PCDH9: variants seen among roughly 807,000 people sequenced by gnomAD.
PCDH9 encodes protocadherin-9.
Under a neutral mutation model 70.6 loss-of-function variants are expected in PCDH9, and 24 were observed. The ratio of observed to expected loss-of-function variants is 0.34; its 90% confidence interval spans 0.25 to 0.48. The LOEUF is 0.48. Among genes scored for constraint, PCDH9 ranks in the 20% least tolerant of loss-of-function variants. PCDH9 has a pLI of 0.99. For missense variants in PCDH9, 1,281 were observed against 1,503.6 expected (o/e 0.85, Z 2.45); for synonymous variants, 562 against 558.5 (o/e 1.01, Z -0.09).
At chr13:66,577,021 A>C (rs1196422956) in intron 4 of PCDH9, among the ~76,000 whole-genome samples, 2 of 152,046 alleles carry the variant, frequency 1.3e-5, no homozygotes. Context: ...CTTGAATAAA[A>C]ACAACACAAA....
At chr13:66,651,021 G>A (rs1328079403) in intron 3 of PCDH9, among the ~76,000 whole-genome samples, 3 of 151,662 alleles carry the variant, frequency 2.0e-5, no homozygotes, top group South Asian at 4.1e-4. Flanking sequence ...AAACCTATGC[G>A]ATACAGCAAA....
rs768729240 is a variant in PCDH9 at position 67,226,307 on chromosome 13, C to G, written c.2134G>C (p.Glu712Gln). The G allele has an allele frequency of 6.2e-7, 1 of 1,613,996 alleles. No homozygotes were observed. The highest frequency in any genetic ancestry group is 8.5e-7 in the Non-Finnish European group (1 of 1,179,898). ...AVDVDTGMNA[E>Q]LKYTIVSGNN... is the part of the protein sequence containing the mutation. ...CCACTCACTATAGTATACTTTAGTT[C>G]AGCGTTCATTCCAGTGTCAACATCC... Residue 712 changes from glutamate (E) to glutamine (Q), a missense_variant, in exon 2 of 5, where the codon GAA becomes CAA. This residue lies in a region of PCDH9 where 798 missense variants were observed against 1,003.1 expected (regional missense o/e 0.80). Transcript: ENST00000377865. This position sits in a 1 kb window ranked among gnomAD's most constrained non-coding sequence, Gnocchi z 5.0.
rs1290035276 is a variant in PCDH9, at chr13:66,738,886, C to G, written c.3139-107475G>C. On this transcript the variant is annotated intron_variant, in intron 3 of 4. Transcript: ENST00000377865. ...CTGATTGGTGTACCTGAAAGTGATG[C>G]GGAGAATGGAACCAAGTTGGAAAAC... 2.2e-4 allele frequency among the ~76,000 whole-genome samples: 32 copies of G among 148,414 alleles called. 1 individual carries two copies. The highest frequency in any genetic ancestry group is 5.9e-4 in the African/African-American group (24 of 40,672).
At chr13:66,610,879 C>T (rs908129051) in intron 4 of PCDH9, among the ~76,000 whole-genome samples, 16 of 152,256 alleles carry the variant, frequency 1.1e-4, no homozygotes, top group African/African-American at 3.8e-4. Flanking sequence ...ACCTCTACAT[C>T]TGTTTTTGGT....
intron 3 of PCDH9, among the ~76,000 whole-genome samples, chr13:66,813,246 C>T (rs1225146946): frequency 1.3e-5 from 2 of 152,016 alleles, no homozygotes; most frequent in Non-Finnish European, 2.9e-5. Flanking sequence ...TCTCAGAATT[C>T]CTAAAGTAAT....
chr13:66,914,983 A>G (rs762300670), intron 2 of PCDH9: 2 of 151,666 alleles, frequency 1.3e-5, no homozygotes, highest in African/African-American at 2.4e-5. Context: ...TTGGAGAACA[A>G]CCGTATTTTT....
intron 2 of PCDH9, among the ~76,000 whole-genome samples, chr13:67,154,745 C>T (rs1412420511): frequency 2.1e-5 from 3 of 145,924 alleles, no homozygotes; most frequent in African/African-American, 7.6e-5. Context: ...CTGTCTGTCA[C>T]CTAGGCTAGA....
chr13:66,479,902 C>T (rs928056389), intron 4 of PCDH9, among the ~76,000 whole-genome samples: 1 of 152,186 alleles, frequency 6.6e-6, no homozygotes, highest in Admixed American at 6.5e-5. Flanking sequence ...TAAAAGCTGA[C>T]CACCCCAGCC....
In PCDH9 at chr13:66,304,805, G is replaced by C. The variant is rs749341936; in HGVS notation, c.3564C>G (p.Asn1188Lys). The C allele has an allele frequency of 1.9e-6, 3 of 1,613,514 alleles. No individual in the cohort carries two copies. In the East Asian group the frequency reaches 6.7e-5, roughly 36 times the overall value. The change falls in exon 5 of 5, where the codon AAC becomes AAG. Residue 1188 changes from asparagine to lysine, a missense_variant. This residue lies in a region of PCDH9 where 264 missense variants were observed against 278.8 expected (regional missense o/e 0.95). Transcript: ENST00000377865. ...GCTTACGGTCATTGAACTGGTTCCT[G>C]TTGCTGTCTTCTTTCCAGGCTCTGG... The part of the protein sequence containing the change: ...TLTRAWKEDS[N>K]RNQFNDRKQY...
At chr13:66,710,167 A>G (rs960565196) in intron 3 of PCDH9, among the ~76,000 whole-genome samples, 2 of 152,116 alleles carry the variant, frequency 1.3e-5, no homozygotes, top group Admixed American at 1.3e-4. Context: ...TTTAACATAC[A>G]ACTAGAACTA....
At chr13:66,481,942 G>A (rs895715137) in intron 4 of PCDH9, among the ~76,000 whole-genome samples, 1 of 148,616 alleles carries the variant, frequency 6.7e-6, no homozygotes. Context: ...ACACATGCAC[G>A]CACACACACA....
At chr13:67,043,070 C>T (rs1351571919) in intron 2 of PCDH9, among the ~76,000 whole-genome samples, 1 of 152,092 alleles carries the variant, frequency 6.6e-6, no homozygotes, top group African/African-American at 2.4e-5. Context: ...GAGATTCATA[C>T]AGCAATAACC....
chr13:66,809,782 A>C (rs531519943), intron 3 of PCDH9, among the ~76,000 whole-genome samples: 226 of 24,128 alleles, frequency 9.4e-3, no homozygotes, highest in African/African-American at 0.04. Flanking sequence ...AGTACTTGGC[A>C]AAAAAAAGAG....
At chr13:67,205,784 A>C (rs2089325057) in intron 2 of PCDH9, 1 of 152,174 alleles carries the variant, frequency 6.6e-6, no homozygotes, top group African/African-American at 2.4e-5. Flanking sequence ...TACAACTGTA[A>C]AATTCTCACC....
At chr13:67,123,772 T>C (rs2086921188) in intron 2 of PCDH9, among the ~76,000 whole-genome samples, 1 of 152,036 alleles carries the variant, frequency 6.6e-6, no homozygotes, top group African/African-American at 2.4e-5. Context: ...AATTAAAAGT[T>C]TCCAAGAAGT....
intron 2 of PCDH9, among the ~76,000 whole-genome samples, chr13:67,161,523 T>C (rs2087958973): frequency 6.6e-6 from 1 of 152,208 alleles, no homozygotes; most frequent in Non-Finnish European, 1.5e-5. Context: ...AGTTTAACCA[T>C]GGAGCCCTTA....
intron 4 of PCDH9, among the ~76,000 whole-genome samples, chr13:66,426,391 G>A (rs1957670827): frequency 6.6e-6 from 1 of 151,464 alleles, no homozygotes; most frequent in African/African-American, 2.4e-5. Flanking sequence ...TCAGTGAAGT[G>A]GTTAATGGCC....
In PCDH9 at chr13:67,118,363, G is replaced by T. The variant is rs182720025; in HGVS notation, c.3036+107042C>A. Among the ~76,000 whole-genome samples the T allele has an allele frequency of 4.9e-3, 749 of 152,222 alleles. 3 individuals carry two copies. Among genetic ancestry groups the T allele is most frequent in the Non-Finnish European group, 8.6e-3 (588 of 67,978 alleles). ...AGAATAAATTGCATTTTGTTTGTTT[G>T]TGTTTTGGGGTATTTTTTGGTAGCA... On this transcript the variant is annotated intron_variant, in intron 2 of 4. Transcript: ENST00000377865.
At chr13:66,912,646 T>C (rs1461095128) in intron 2 of PCDH9, among the ~76,000 whole-genome samples, 1 of 152,056 alleles carries the variant, frequency 6.6e-6, no homozygotes, top group East Asian at 1.9e-4. Context: ...TCAAGTACTA[T>C]ATATGCATAA....
Sources: gnomAD v4.1 joint callset for allele counts (sites outside exome capture counted in the v4.1 genomes callset) on GRCh38, gnomAD v4.1.1 for gene constraint, gnomAD v4.1.1 regional missense constraint, Gnocchi (gnomAD v3.1) non-coding constraint, MANE v1.5 for transcripts, NCBI Gene and HGNC (gene_info 2026-07-23, HGNC 2026-07-21) for gene names.